Variants in NTM observed in about 807,000 individuals in gnomAD.
NTM encodes the protein IgLON family member 2.
In NTM, 13 loss-of-function variants were observed where a neutral mutation model predicts 42.1. The observed-to-expected ratio is 0.31, with a 90% CI of 0.20 to 0.49. The LOEUF is 0.49. NTM is among the 20% of genes least tolerant of loss of function. The pLI is 0.99. For synonymous variants in NTM, 187 were observed against 179.2 expected (o/e 1.04, Z -0.35); for missense variants, 373 against 452.8 (o/e 0.82, Z 1.60).
chr11:131,528,859 T>A (rs1325053734), intron 1 of NTM, among the ~76,000 whole-genome samples: 1 of 152,236 alleles, frequency 6.6e-6, no homozygotes, highest in Admixed American at 6.5e-5. Flanking sequence ...ACTTGATGTT[T>A]AGACATTTGA....
intron 4 of NTM, among the ~76,000 whole-genome samples, chr11:132,254,704 G>A (rs2092322078): frequency 6.6e-6 from 1 of 152,160 alleles, no homozygotes; most frequent in South Asian, 2.1e-4. Flanking sequence ...ATTCTGTGGT[G>A]ATGGTGATGG....
intron 1 of NTM, among the ~76,000 whole-genome samples, chr11:131,767,897 CA>C (rs1470964814): frequency 6.6e-6 from 1 of 151,956 alleles, no homozygotes; most frequent in Non-Finnish European, 1.5e-5. Context: ...CCCGATGGGT[CA>C]TTTGTAAGGT....
chr11:131,615,671 T>C (rs934514306), intron 1 of NTM, among the ~76,000 whole-genome samples: 2 of 152,148 alleles, frequency 1.3e-5, no homozygotes, highest in African/African-American at 4.8e-5. Context: ...CACCCGGCCG[T>C]AGCAAGTTCT....
chr11:131,465,970 G>A (rs141300174), intron 1 of NTM, among the ~76,000 whole-genome samples: 3 of 152,216 alleles, frequency 2.0e-5, no homozygotes, highest in Admixed American at 6.5e-5. Flanking sequence ...CCCTTTGAGC[G>A]CCCCTTCAGG....
At position 131,865,751 on chromosome 11, in the gene NTM, C is replaced by T. The variant is rs192304540; in HGVS notation, c.83-45813C>T. 1.5e-4 allele frequency among the ~76,000 whole-genome samples: 23 copies of T among 151,828 alleles called. 1 individual carries two copies. In the East Asian group the frequency reaches 4.5e-3, roughly 30 times the overall value. ...CCTGCTCTCACACGTTGCACACACA[C>T]AAGCTACACACACATGCTACATACA... On this transcript the variant is annotated intron_variant, in intron 1 of 8. Coordinates refer to ENST00000683400, the MANE Select transcript of NTM (RefSeq NM_001352005.2).
At chr11:132,126,176 C>A (rs900880872) in intron 2 of NTM, among the ~76,000 whole-genome samples, 11 of 152,110 alleles carry the variant, frequency 7.2e-5, no homozygotes, top group Non-Finnish European at 1.5e-4. Flanking sequence ...TCCATCAATT[C>A]TTTGCAGAAG....
Position 132,275,700 on chromosome 11 carries a change from A to ATG in NTM, c.527-31987_527-31986dup, listed in dbSNP as rs1383367100. 1.9e-4 allele frequency among the ~76,000 whole-genome samples: 27 copies of ATG among 141,966 alleles called. 1 individual carries two copies. The East Asian group carries it at 2.6e-3, about 14-fold the overall frequency. 93.1% of individuals were successfully genotyped at this position (141,966 alleles called of 152,430 possible). ...GTACAACTTGATGTTTTATATATAT[A>ATG]TGTATATATATATGTATATATATAC... is the stretch of plus-strand genomic sequence containing the variant. On this transcript the variant is annotated intron_variant, in intron 4 of 8. Transcript: ENST00000683400.
intron 2 of NTM, among the ~76,000 whole-genome samples, chr11:132,071,352 C>G (rs1373410258): frequency 2.0e-5 from 3 of 149,260 alleles, no homozygotes; most frequent in Non-Finnish European, 4.5e-5. Flanking sequence ...GTCACTCAGC[C>G]AAGTTAACAC....
At chr11:131,660,995 T>A (rs1384330795) in intron 1 of NTM, 5 of 1,303,670 alleles carry the variant, frequency 3.8e-6, no homozygotes, top group South Asian at 3.7e-5. Flanking sequence ...GAAAAAAAAA[T>A]GAACGGAAAA....
At chr11:132,127,547 G>A (rs2066047343) in intron 2 of NTM, among the ~76,000 whole-genome samples, 1 of 152,154 alleles carries the variant, frequency 6.6e-6, no homozygotes, top group South Asian at 2.1e-4. Flanking sequence ...TTTCTATTTT[G>A]TTTTACAACC....
chr11:131,947,025 G>C (rs2060421092), intron 2 of NTM, among the ~76,000 whole-genome samples: 2 of 152,140 alleles, frequency 1.3e-5, no homozygotes, highest in African/African-American at 2.4e-5. Flanking sequence ...TTATTGGAAG[G>C]TACAATGGAA....
At chr11:132,043,984 G>GTGTATGGGTATGTGTA (rs2077551378) in intron 2 of NTM, among the ~76,000 whole-genome samples, 1 of 150,728 alleles carries the variant, frequency 6.6e-6, no homozygotes, top group East Asian at 1.9e-4. Context: ...GTGTGTGTGT[G>GTGTATGGGTATGTGTA]TGTGTGTGTA....
intron 1 of NTM, among the ~76,000 whole-genome samples, chr11:131,616,807 G>GTGTGTGTT (rs1163316234): frequency 6.6e-6 from 1 of 151,622 alleles, no homozygotes; most frequent in Non-Finnish European, 1.5e-5. Context: ...GTGTGTGTGT[G>GTGTGTGTT]TGTGTTGTTT....
chr11:131,764,707 G>C (rs2084834207), intron 1 of NTM, among the ~76,000 whole-genome samples: 1 of 152,172 alleles, frequency 6.6e-6, no homozygotes, highest in African/African-American at 2.4e-5. Flanking sequence ...GGGTATAATT[G>C]ATGCCTGTTG....
chr11:132,215,447 C>A (rs1248743501), intron 4 of NTM, among the ~76,000 whole-genome samples: 3 of 151,956 alleles, frequency 2.0e-5, no homozygotes. Flanking sequence ...CTAGTCTTGA[C>A]TACCTTGTGT....
intron 2 of NTM, among the ~76,000 whole-genome samples, chr11:132,124,623 GCGCGCGCA>G (rs1283265571): frequency 6.6e-6 from 1 of 152,180 alleles, no homozygotes; most frequent in South Asian, 2.1e-4. Flanking sequence ...GTGTGTGTGT[GCGCGCGCA>G]CGCGCAGGGC....
At chr11:131,566,562 C>T (rs909100622) in intron 1 of NTM, among the ~76,000 whole-genome samples, 6 of 152,150 alleles carry the variant, frequency 3.9e-5, no homozygotes, top group African/African-American at 1.4e-4. Context: ...AAGGCTGACC[C>T]TCTTTTCCCC....
At chr11:131,911,009 CAA>C in intron 1 of NTM, 2 of 1,004,132 alleles carry the variant, frequency 2.0e-6, no homozygotes, top group Non-Finnish European at 2.4e-6. Flanking sequence ...CCGAAACTTA[CAA>C]AGTGTTGGAT....
At chr11:131,529,326 CTGAG>C (rs60040230) in intron 1 of NTM, among the ~76,000 whole-genome samples, 2,557 of 152,312 alleles carry the variant, frequency 0.017, 73 homozygotes, top group African/African-American at 0.057. Context: ...TAAAATTTCT[CTGAG>C]TGAGTGGAAC....
Sources: gnomAD v4.1 joint callset for allele counts (sites outside exome capture counted in the v4.1 genomes callset) on GRCh38, gnomAD v4.1.1 for gene constraint, MANE v1.5 for transcripts, NCBI Gene and HGNC (gene_info 2026-07-23, HGNC 2026-07-21) for gene names.